TRIP4: variants seen among roughly 807,000 people sequenced by gnomAD.
TRIP4 encodes thyroid hormone receptor interactor 4, also known as activating signal cointegrator 1.
In TRIP4, 54 loss-of-function variants were observed where a neutral mutation model predicts 81.8. The observed-to-expected ratio is 0.66, with a 90% CI of 0.53 to 0.83. The LOEUF is 0.83. Ranked by LOEUF, TRIP4 falls within the 40% of genes least tolerant of loss-of-function variation. The probability of loss-of-function intolerance (pLI) is 0.00; values close to 1 mark genes in which losing one functional copy is unlikely to be tolerated. For missense variants in TRIP4, 662 were observed against 683.6 expected (o/e 0.97, Z 0.35); for synonymous variants, 270 against 242.8 (o/e 1.11, Z -1.04).
At chr15:64,400,647 T>C in intron 4 of TRIP4, 96 bp from the exon 5 acceptor site, 1 of 877,274 alleles carries the variant, frequency 1.1e-6, no homozygotes, top group Non-Finnish European at 1.8e-6. Flanking sequence ...TATTTTATCA[T>C]CATCTAATGT....
In TRIP4 at chr15:64,435,418, C is replaced by T. The variant is rs138720046; in HGVS notation, c.1576-9588C>T. Among the ~76,000 whole-genome samples, 915 of 149,788 alleles carry T rather than the reference C, an allele frequency of 6.1e-3. 13 individuals carry two copies. The highest frequency in any genetic ancestry group is 0.021 in the African/African-American group (874 of 40,658). ...GCATGTGCCTGTAATCCCAGCTACTCGGAAGGGTGAGGCAGGAGAATCCTT... is the reference window on the plus strand; with the variant it reads ...GCATGTGCCTGTAATCCCAGCTACTTGGAAGGGTGAGGCAGGAGAATCCTT... On this transcript the variant is annotated intron_variant, in intron 11 of 12. Transcript: ENST00000261884.
chr15:64,394,604 CA>C (rs71133423), intron 2 of TRIP4, among the ~76,000 whole-genome samples: 725 of 53,132 alleles, frequency 0.014, 3 homozygotes, highest in African/African-American at 0.043. Flanking sequence ...GACTCCATCT[CA>C]AAAAAAAAAA....
Position 64,442,725 on chromosome 15 carries a change from C to T in TRIP4, c.1576-2281C>T, listed in dbSNP as rs1369429891. On this transcript the variant is annotated intron_variant, in intron 11 of 12. Transcript: ENST00000261884. ...GAACTGAGCCAGGCACGGTGGCTCACGCCTGTAATCCCAGCACTTTGGGAG... is the reference window on the plus strand; with the variant it reads ...GAACTGAGCCAGGCACGGTGGCTCATGCCTGTAATCCCAGCACTTTGGGAG... 4.0e-5 allele frequency among the ~76,000 whole-genome samples: 6 copies of T among 151,782 alleles called. No individual in the cohort carries two copies. The East Asian group carries it at 7.7e-4, about 20-fold the overall frequency.
chr15:64,450,084 C>G (rs1184797681), intron 12 of TRIP4, among the ~76,000 whole-genome samples: 2 of 152,186 alleles, frequency 1.3e-5, no homozygotes, highest in South Asian at 4.1e-4. Context: ...GTTCACTATC[C>G]AGATCCTGAT....
chr15:64,389,423 G>A (rs1479878939), intron 1 of TRIP4, among the ~76,000 whole-genome samples: 1 of 152,030 alleles, frequency 6.6e-6, no homozygotes, highest in African/African-American at 2.4e-5. Context: ...CTTGAGACTG[G>A]GAGTTGGAGA....
At position 64,436,418 on chromosome 15, in the gene TRIP4, CCT is replaced by C. The variant is rs1471421733; in HGVS notation, c.1576-8587_1576-8586del. On this transcript the variant is annotated intron_variant, in intron 11 of 12. Transcript: ENST00000261884. ...ACCAGCCTGGGCAGCATGGTGAAACCCTGTCTCTACTAAGAATATAAAAATTA... is the reference window on the plus strand; with the variant it reads ...ACCAGCCTGGGCAGCATGGTGAAACCGTCTCTACTAAGAATATAAAAATTA... 2.6e-5 allele frequency among the ~76,000 whole-genome samples: 4 copies of C among 152,042 alleles called. No homozygotes were observed. The East Asian group carries it at 7.7e-4, about 29-fold the overall frequency.
chr15:64,424,191 A>G (rs774846252), intron 10 of TRIP4, 36 bp downstream of exon 10: 1 of 1,612,466 alleles, frequency 6.2e-7, no homozygotes, highest in Non-Finnish European at 8.5e-7. Context: ...ATTTTACTTT[A>G]TGGAGAGAAG....
chr15:64,443,294 C>G (rs1447795117), intron 11 of TRIP4, among the ~76,000 whole-genome samples: 1 of 152,124 alleles, frequency 6.6e-6, no homozygotes, highest in East Asian at 1.9e-4. Context: ...AGGATTGATC[C>G]AGTAGAGAGG....
In TRIP4 at chr15:64,434,229, G is replaced by A. The variant is rs891415914; in HGVS notation, c.1575+8598G>A. Among the ~76,000 whole-genome samples, 10 of 152,068 alleles carry A rather than the reference G, an allele frequency of 6.6e-5. No individual in the cohort carries two copies. The South Asian group carries it at 8.3e-4, about 13-fold the overall frequency. Reference sequence around the variant, plus strand: ...AGCCAGACCAACATGGAAAAACCCCGTCTCTACTAGAAATATAAAATTAGC... The same window carrying A: ...AGCCAGACCAACATGGAAAAACCCCATCTCTACTAGAAATATAAAATTAGC... On this transcript the variant is annotated intron_variant, in intron 11 of 12. Coordinates refer to ENST00000261884, the MANE Select transcript of TRIP4 (RefSeq NM_016213.5).
intron 11 of TRIP4, among the ~76,000 whole-genome samples, chr15:64,432,920 TAAAA>T (rs527870461): frequency 1.1e-4 from 17 of 148,122 alleles, no homozygotes; most frequent in Admixed American, 3.4e-4. Flanking sequence ...CAAAAATAAA[TAAAA>T]ATAAATAAAT....
chr15:64,395,975 C>T (rs1900281481), intron 3 of TRIP4, among the ~76,000 whole-genome samples: 1 of 151,602 alleles, frequency 6.6e-6, no homozygotes, highest in South Asian at 2.1e-4. Flanking sequence ...GTGGTGTAAT[C>T]TCAGCTCACC....
At position 64,387,899 on chromosome 15, in the gene TRIP4, G is replaced by T; in HGVS notation, c.36G>T (p.Leu12=). 1 of 1,549,992 alleles carries T rather than the reference G, an allele frequency of 6.5e-7. No individual in the cohort carries two copies. Among genetic ancestry groups the T allele is most frequent in the East Asian group, 2.4e-5 (1 of 40,946 alleles). ...AVAGAVSGEP[L]VHWCTQQLRK... is the part of the protein sequence containing the mutation. ...CTGGGGCGGTGTCCGGGGAGCCGCT[G>T]GTGCACTGGTGCACCCAGCAGTTGC... The change falls in exon 1 of 13, where the codon CTG becomes CTT. Residue 12 remains leucine (L), a synonymous_variant. Coordinates refer to ENST00000261884, the MANE Select transcript of TRIP4 (RefSeq NM_016213.5).
intron 9 of TRIP4, among the ~76,000 whole-genome samples, chr15:64,419,150 C>A (rs1366769707): frequency 6.6e-6 from 1 of 152,036 alleles, no homozygotes; most frequent in Non-Finnish European, 1.5e-5. Context: ...ATTAAGATAC[C>A]AGCATAACTG....
At chr15:64,392,255 ACCACTGCACT>A (rs200995694) in intron 1 of TRIP4, among the ~76,000 whole-genome samples, 2,230 of 152,182 alleles carry the variant, frequency 0.015, 23 homozygotes, top group Non-Finnish European at 0.023. Flanking sequence ...CTGAGATCGC[ACCACTGCACT>A]CCAGCCTGGG....
intron 11 of TRIP4, among the ~76,000 whole-genome samples, chr15:64,440,155 C>T (rs761179464): frequency 4.6e-5 from 7 of 151,948 alleles, no homozygotes; most frequent in Non-Finnish European, 8.8e-5. Context: ...GTGGCTTGAG[C>T]CCTCCAGGTC....
At chr15:64,429,808 CATTT>C (rs1282421691) in intron 11 of TRIP4, among the ~76,000 whole-genome samples, 3 of 152,152 alleles carry the variant, frequency 2.0e-5, no homozygotes, top group Admixed American at 1.3e-4. Context: ...TCTCCATATT[CATTT>C]ATCACCCAGT....
At chr15:64,432,075 C>A (rs1240734457) in intron 11 of TRIP4, among the ~76,000 whole-genome samples, 11 of 150,316 alleles carry the variant, frequency 7.3e-5, no homozygotes, top group Admixed American at 7.3e-4. Flanking sequence ...TTAGTAGAGA[C>A]AGGGTTTCAC....
At chr15:64,415,458 T>A (rs1891873812) in intron 8 of TRIP4, among the ~76,000 whole-genome samples, 1 of 152,192 alleles carries the variant, frequency 6.6e-6, no homozygotes, top group Non-Finnish European at 1.5e-5. Context: ...GAAATCAAGG[T>A]GTTGGAAAGA....
chr15:64,390,271 G>A (rs990250584), intron 1 of TRIP4, among the ~76,000 whole-genome samples: 7 of 151,222 alleles, frequency 4.6e-5, no homozygotes, highest in African/African-American at 1.7e-4. Flanking sequence ...AGACCAGCCT[G>A]GCCAACATGG....
Sources: allele counts gnomAD v4.1 joint callset (sites outside exome capture counted in the v4.1 genomes callset), GRCh38; gene constraint gnomAD v4.1.1; transcripts MANE v1.5; gene names NCBI Gene and HGNC (gene_info 2026-07-23, HGNC 2026-07-21).